Variants in ELMO1 observed in about 807,000 individuals in gnomAD.
ELMO1 encodes the protein engulfment and cell motility protein 1.
ELMO1 carries 26 observed loss-of-function variants against 98.9 expected under a neutral mutation model. The ratio of observed to expected loss-of-function variants is 0.26; its 90% CI spans 0.19 to 0.36. The LOEUF is 0.36. Among genes scored for constraint, ELMO1 ranks in the 10% least tolerant of loss-of-function variants. The pLI is 1.00. For missense variants in ELMO1, 627 were observed against 935.2 expected (o/e 0.67, Z 4.30); for synonymous variants, 346 against 346.0 (o/e 1.00, Z 0.00).
chr7:37,345,396 A>G (rs1383508104), intron 1 of ELMO1, among the ~76,000 whole-genome samples: 1 of 152,072 alleles, frequency 6.6e-6, no homozygotes. Flanking sequence ...AGAAAGGTTC[A>G]CCGAGAAGGC....
At position 36,854,050 on chromosome 7, in the gene ELMO1, A is replaced by G. The variant is rs1802024587; in HGVS notation, c.*1501T>C. Among the ~76,000 whole-genome samples, 1 of 152,206 alleles carries G rather than the reference A, an allele frequency of 6.6e-6. No homozygotes were observed. The highest frequency in any genetic ancestry group is 1.5e-5 in the Non-Finnish European group (1 of 68,042). ...TATCATGGTAAGAAAGAAAAAAGAG[A>G]AAGTCATGGTCAAGAGACAGCAATG... On this transcript the variant is annotated 3_prime_UTR_variant, in exon 22 of 22. Coordinates refer to ENST00000310758, the MANE Select transcript of ELMO1 (RefSeq NM_014800.11).
At chr7:37,082,436 G>A (rs759707903) in intron 15 of ELMO1, among the ~76,000 whole-genome samples, 12 of 152,144 alleles carry the variant, frequency 7.9e-5, no homozygotes, top group Non-Finnish European at 1.5e-4. Flanking sequence ...AGGTACGGTG[G>A]CTCATGTCTG....
chr7:37,106,081 T>C (rs1451324999), intron 14 of ELMO1, among the ~76,000 whole-genome samples: 6 of 152,238 alleles, frequency 3.9e-5, no homozygotes, highest in South Asian at 2.1e-4. Flanking sequence ...ATGATTATCA[T>C]GTGCAAACTC....
At chr7:37,447,837 C>T (rs866281412) in intron 1 of ELMO1, among the ~76,000 whole-genome samples, 19 of 151,918 alleles carry the variant, frequency 1.3e-4, no homozygotes, top group Middle Eastern at 3.4e-3. Flanking sequence ...TTCTGTATTT[C>T]CTCTTCCTCA....
chr7:37,361,593 G>T (rs143808085), intron 1 of ELMO1, among the ~76,000 whole-genome samples: 1 of 152,292 alleles, frequency 6.6e-6, no homozygotes, highest in African/African-American at 2.4e-5. Flanking sequence ...CTAAATAAAA[G>T]AAGTCAGTTA....
intron 16 of ELMO1, among the ~76,000 whole-genome samples, chr7:36,948,259 T>G (rs1289570928): frequency 1.3e-5 from 2 of 152,242 alleles, no homozygotes; most frequent in East Asian, 3.9e-4. Flanking sequence ...CACTATGTCC[T>G]GCACTGGTGG....
chr7:37,151,376 C>A (rs543992465), intron 13 of ELMO1, among the ~76,000 whole-genome samples: 4 of 152,280 alleles, frequency 2.6e-5, no homozygotes, highest in African/African-American at 9.6e-5. Context: ...ACGGCTTCAG[C>A]ACAGGTGAAT....
At chr7:37,040,801 G>T (rs1296773782) in intron 15 of ELMO1, among the ~76,000 whole-genome samples, 1 of 152,116 alleles carries the variant, frequency 6.6e-6, no homozygotes, top group Non-Finnish European at 1.5e-5. Flanking sequence ...ATGGGGCTGG[G>T]CGTGGCAGCT....
intron 16 of ELMO1, among the ~76,000 whole-genome samples, chr7:36,983,725 C>T (rs1242475258): frequency 2.6e-5 from 4 of 152,214 alleles, no homozygotes; most frequent in African/African-American, 9.6e-5. Flanking sequence ...TGAGATGGGG[C>T]TGCAGCATTT....
At chr7:36,868,050 A>G (rs1562782769) in intron 20 of ELMO1, among the ~76,000 whole-genome samples, 1 of 152,186 alleles carries the variant, frequency 6.6e-6, no homozygotes, top group Non-Finnish European at 1.5e-5. Flanking sequence ...CAGGTCATCA[A>G]TATTCTTGAT....
intron 1 of ELMO1, among the ~76,000 whole-genome samples, chr7:37,390,015 G>A (rs375457854): frequency 1.3e-5 from 2 of 152,036 alleles, no homozygotes; most frequent in African/African-American, 4.8e-5. Flanking sequence ...CATCCCCTGA[G>A]AAGTCACCCA....
intron 1 of ELMO1, among the ~76,000 whole-genome samples, chr7:37,345,643 G>A (rs1324439807): frequency 6.6e-6 from 1 of 151,592 alleles, no homozygotes; most frequent in African/African-American, 2.4e-5. Flanking sequence ...GGAGGTGGAG[G>A]TTGCAGGGGA....
At chr7:37,228,689 CTA>C (rs1287867180) in intron 8 of ELMO1, among the ~76,000 whole-genome samples, 2 of 152,120 alleles carry the variant, frequency 1.3e-5, no homozygotes, top group African/African-American at 2.4e-5. Context: ...TAAAATTCTC[CTA>C]TGTTATCAAA....
chr7:36,960,597 C>T (rs1788856041), intron 16 of ELMO1, among the ~76,000 whole-genome samples: 1 of 151,944 alleles, frequency 6.6e-6, no homozygotes, highest in South Asian at 2.1e-4. Context: ...AGCAGCCCCC[C>T]ATCCCCCCCA....
intron 13 of ELMO1, among the ~76,000 whole-genome samples, chr7:37,166,066 G>A (rs1789661744): frequency 6.6e-6 from 1 of 152,132 alleles, no homozygotes; most frequent in Admixed American, 6.5e-5. Flanking sequence ...TTTAGTCTTG[G>A]GAGAGTGTAT....
chr7:37,192,845 ATATATATT>A (rs1477695622), intron 13 of ELMO1, among the ~76,000 whole-genome samples: 2 of 146,858 alleles, frequency 1.4e-5, no homozygotes, highest in Non-Finnish European at 3.0e-5. Flanking sequence ...TATATATGAC[ATATATATT>A]TATATATAGA....
In ELMO1 at chr7:37,134,427, C is replaced by T. The variant is rs142459722; in HGVS notation, c.1087-1193G>A. ...ACAAAAAATTAGCTGGGTGTGGTGG[C>T]GCGCGCCTGTAATCCCAGCTACTCG... On this transcript the variant is annotated intron_variant, in intron 13 of 21. Transcript: ENST00000310758. Among the ~76,000 whole-genome samples, 413 of 151,896 alleles carry T rather than the reference C, an allele frequency of 2.7e-3. 2 individuals are homozygous for T. The highest frequency in any genetic ancestry group is 9.6e-3 in the African/African-American group (398 of 41,444).
At chr7:37,166,494 T>G (rs1405433752) in intron 13 of ELMO1, among the ~76,000 whole-genome samples, 1 of 152,172 alleles carries the variant, frequency 6.6e-6, no homozygotes, top group Admixed American at 6.5e-5. Flanking sequence ...AATTTCCCTC[T>G]AAACACTGCT....
intron 16 of ELMO1, among the ~76,000 whole-genome samples, chr7:36,951,877 T>C (rs1787992982): frequency 6.6e-6 from 1 of 152,250 alleles, no homozygotes. Context: ...CAGTGACTGC[T>C]GCAGAGCCTG....
Sources: gnomAD v4.1 joint callset for allele counts (sites outside exome capture counted in the v4.1 genomes callset) on GRCh38, gnomAD v4.1.1 for gene constraint, MANE v1.5 for transcripts, NCBI Gene and HGNC (gene_info 2026-07-23, HGNC 2026-07-21) for gene names.